Variants in PHACTR1 observed in about 807,000 individuals in gnomAD.
PHACTR1 encodes RPEL repeat containing 1.
A neutral mutation model predicts 69.2 loss-of-function variants in PHACTR1; 16 were observed. The observed-to-expected ratio is 0.23, with a 90% CI of 0.16 to 0.35. The LOEUF is 0.35. Among genes scored for constraint, PHACTR1 ranks in the 10% least tolerant of loss-of-function variants. The pLI, the probability that PHACTR1 is intolerant of heterozygous loss-of-function variation, is 1.00. For synonymous variants in PHACTR1, 312 were observed against 284.5 expected (o/e 1.10, Z -0.97); for missense variants, 510 against 734.7 (o/e 0.69, Z 3.54).
chr6:12,879,923 G>A (rs545015908), intron 4 of PHACTR1, among the ~76,000 whole-genome samples: 14 of 152,246 alleles, frequency 9.2e-5, no homozygotes, highest in African/African-American at 3.1e-4. Context: ...CTAGGACACT[G>A]TTATACACAT....
intron 5 of PHACTR1, among the ~76,000 whole-genome samples, chr6:13,137,583 AG>A (rs1821752985): frequency 6.6e-6 from 1 of 152,232 alleles, no homozygotes; most frequent in African/African-American, 2.4e-5. Context: ...ATAACATTCA[AG>A]TTTCTATGTT....
intron 4 of PHACTR1, among the ~76,000 whole-genome samples, chr6:13,019,338 C>T (rs1197968888): frequency 3.9e-5 from 6 of 152,174 alleles, no homozygotes; most frequent in African/African-American, 7.2e-5. Flanking sequence ...TATGTTAAAG[C>T]AAATTTGAGT....
intron 4 of PHACTR1, among the ~76,000 whole-genome samples, chr6:13,045,386 G>T (rs1804857303): frequency 6.6e-6 from 1 of 152,084 alleles, no homozygotes; most frequent in Non-Finnish European, 1.5e-5. Flanking sequence ...CATCATCAAT[G>T]ATCATCTTTA....
At chr6:12,941,365 GT>G (rs776643153) in intron 4 of PHACTR1, among the ~76,000 whole-genome samples, 1 of 152,020 alleles carries the variant, frequency 6.6e-6, no homozygotes, top group Non-Finnish European at 1.5e-5. Context: ...ATGGCCATTT[GT>G]TATGGCATAA....
chr6:13,181,181 C>A (rs1150610), intron 6 of PHACTR1, among the ~76,000 whole-genome samples: 1 of 147,962 alleles, frequency 6.8e-6, no homozygotes, highest in East Asian at 2.1e-4. Context: ...CAGATATTCA[C>A]TGGACGGACT....
intron 4 of PHACTR1, among the ~76,000 whole-genome samples, chr6:12,922,102 AG>A (rs1315515794): frequency 2.0e-5 from 3 of 152,204 alleles, no homozygotes; most frequent in Admixed American, 1.3e-4. Flanking sequence ...TACTTTTATA[AG>A]GAATACCCCA....
chr6:12,740,923 T>C (rs1764948269), intron 3 of PHACTR1, among the ~76,000 whole-genome samples: 1 of 152,088 alleles, frequency 6.6e-6, no homozygotes, highest in African/African-American at 2.4e-5. Context: ...TGGAGCTTAA[T>C]TAATCATTGA....
At chr6:12,847,673 G>A (rs144471101) in intron 4 of PHACTR1, among the ~76,000 whole-genome samples, 31 of 152,014 alleles carry the variant, frequency 2.0e-4, no homozygotes, top group Non-Finnish European at 3.1e-4. Flanking sequence ...AAAAATTACT[G>A]AATACATCCC....
At chr6:12,947,695 C>A (rs1236693648) in intron 4 of PHACTR1, among the ~76,000 whole-genome samples, 1 of 152,174 alleles carries the variant, frequency 6.6e-6, no homozygotes, top group Admixed American at 6.5e-5. Context: ...AAGCAGTAGA[C>A]TTCCGTGAAT....
At chr6:13,149,559 A>G (rs1823986824) in intron 5 of PHACTR1, among the ~76,000 whole-genome samples, 1 of 152,194 alleles carries the variant, frequency 6.6e-6, no homozygotes, top group Non-Finnish European at 1.5e-5. Context: ...GCAGGTTTAC[A>G]CAAGTAGAGT....
chr6:13,094,885 A>G (rs1813911258), intron 5 of PHACTR1, among the ~76,000 whole-genome samples: 2 of 152,164 alleles, frequency 1.3e-5, no homozygotes, highest in Admixed American at 6.5e-5. Flanking sequence ...TCTTCCCACA[A>G]ATTCATACGT....
chr6:13,246,927 G>A lies in PHACTR1; in HGVS notation c.1391+16734G>A, dbSNP rs1773655156. ...CTTGGGATGCCAAGACTTTTATAAT[G>A]GCCTCAAAAATTGCATACATGCCTA... is the stretch of plus-strand genomic sequence containing the variant. On this transcript the variant is annotated intron_variant, in intron 10 of 14. Transcript: ENST00000332995. This position sits in a 1 kb window ranked among gnomAD's most constrained non-coding sequence, Gnocchi z 4.2. Among the ~76,000 whole-genome samples the A allele has an allele frequency of 6.6e-6, 1 of 151,962 alleles. No individual in the cohort carries two copies. Among genetic ancestry groups the A allele is most frequent in the Non-Finnish European group, 1.5e-5 (1 of 67,996 alleles).
At position 13,287,168 on chromosome 6, in the gene PHACTR1, G is replaced by A. The variant is rs693758; in HGVS notation, c.*90G>A. The A allele has an allele frequency of 0.057, 70,952 of 1,245,320 alleles. 10,419 individuals carry two copies. Among genetic ancestry groups the A allele is most frequent in the African/African-American group, 0.53 (34,181 of 64,626 alleles). 77.1% of individuals were successfully genotyped at this position (1,245,320 alleles called of 1,614,324 possible). The stretch of plus-strand genomic sequence containing the variant: ...TGGTATTTATTCACTTCCCCATTAC[G>A]ATGTAAATCTTCTGAACTGCCTTTT... On this transcript the variant is annotated 3_prime_UTR_variant, in exon 15 of 15. Coordinates refer to ENST00000332995, the MANE Select transcript of PHACTR1 (RefSeq NM_030948.6).
intron 4 of PHACTR1, among the ~76,000 whole-genome samples, chr6:12,938,349 T>C (rs1789695605): frequency 6.6e-6 from 1 of 152,126 alleles, no homozygotes; most frequent in Non-Finnish European, 1.5e-5. Flanking sequence ...AGCTAATTGA[T>C]TCCAGGTCTT....
At chr6:13,060,644 C>T (rs1445779996) in intron 5 of PHACTR1, among the ~76,000 whole-genome samples, 4 of 152,162 alleles carry the variant, frequency 2.6e-5, no homozygotes, top group Admixed American at 2.6e-4. Flanking sequence ...CAGAATAATA[C>T]ATTTGGTGAT....
chr6:12,772,871 G>A (rs1769566067), intron 4 of PHACTR1, among the ~76,000 whole-genome samples: 1 of 152,210 alleles, frequency 6.6e-6, no homozygotes, highest in South Asian at 2.1e-4. Context: ...ACTAGGATGT[G>A]TCGTTGAATC....
At chr6:12,949,606 G>A (rs893446997) in intron 4 of PHACTR1, among the ~76,000 whole-genome samples, 3 of 151,860 alleles carry the variant, frequency 2.0e-5, no homozygotes, top group Non-Finnish European at 4.4e-5. Context: ...CCAGGAAGGG[G>A]GTCTGAATAT....
intron 4 of PHACTR1, among the ~76,000 whole-genome samples, chr6:13,037,692 G>A (rs1040678508): frequency 2.6e-5 from 4 of 152,172 alleles, no homozygotes; most frequent in Non-Finnish European, 5.9e-5. Flanking sequence ...GAGCAAGGAG[G>A]ACCCATTGGG....
intron 4 of PHACTR1, among the ~76,000 whole-genome samples, chr6:12,897,799 T>C (rs915353578): frequency 8.6e-5 from 13 of 151,992 alleles, no homozygotes; most frequent in African/African-American, 3.1e-4. Flanking sequence ...TGTGCCATGG[T>C]GGTTTGCTGC....
Sources: allele counts gnomAD v4.1 joint callset (sites outside exome capture counted in the v4.1 genomes callset), GRCh38; gene constraint gnomAD v4.1.1; non-coding constraint Gnocchi (gnomAD v3.1); transcripts MANE v1.5; gene names NCBI Gene and HGNC (gene_info 2026-07-23, HGNC 2026-07-21).